C1QTNF7: variants seen among roughly 807,000 people sequenced by gnomAD.
The protein encoded by C1QTNF7 is C1q and TNF related 7.
Under a neutral mutation model 19.6 loss-of-function variants are expected in C1QTNF7, and 15 were observed. The observed-to-expected ratio is 0.76, with a 90% CI of 0.51 to 1.18. C1QTNF7 has a LOEUF of 1.18. Ranked by LOEUF, C1QTNF7 falls within the 50% of genes most tolerant of loss-of-function variation. The probability of loss-of-function intolerance (pLI) is 0.00; values close to 1 mark genes in which losing one functional copy is unlikely to be tolerated. For synonymous variants in C1QTNF7, 142 were observed against 137.5 expected, an observed-to-expected ratio of 1.03 and a Z score of -0.23; for missense variants, 324 against 359.7, an observed-to-expected ratio of 0.90 and a Z score of 0.80.
chr4:15,404,018 T>G (rs1719092003), intron 1 of C1QTNF7, among the ~76,000 whole-genome samples: 1 of 152,206 alleles, frequency 6.6e-6, no homozygotes, highest in South Asian at 2.1e-4. Flanking sequence ...GTACTAATAA[T>G]GTACTTATTG....
At chr4:15,424,054 A>G (rs1434152337), upstream of C1QTNF7, among the ~76,000 whole-genome samples, 3 of 152,176 alleles carry the variant, frequency 2.0e-5, no homozygotes, top group African/African-American at 7.2e-5. Flanking sequence ...GTTCTAGCCA[A>G]ATTCTGTTGG....
chr4:15,431,994 A>G (rs986318517), intron 1 of C1QTNF7, among the ~76,000 whole-genome samples: 2 of 152,196 alleles, frequency 1.3e-5, no homozygotes, highest in African/African-American at 4.8e-5. Context: ...ACAAGATGCC[A>G]TTTGAGCAAC....
chr4:15,440,537 A>G (rs983984670), intron 2 of C1QTNF7, among the ~76,000 whole-genome samples: 1 of 151,548 alleles, frequency 6.6e-6, no homozygotes, highest in African/African-American at 2.4e-5. Context: ...CCTTCCGAGT[A>G]GCTGGGACTA....
At chr4:15,353,783 T>A (rs56349605) in intron 1 of C1QTNF7, among the ~76,000 whole-genome samples, 4,147 of 150,210 alleles carry the variant, frequency 0.028, 90 homozygotes, top group Middle Eastern at 0.059. Context: ...AAAAAAAAAA[T>A]CTGGACAATA....
chr4:15,388,609 T>C (rs1718432144), intron 1 of C1QTNF7, among the ~76,000 whole-genome samples: 1 of 152,152 alleles, frequency 6.6e-6, no homozygotes, highest in South Asian at 2.1e-4. Flanking sequence ...GTGAAGGTGC[T>C]GTAGTTATTG....
intron 1 of C1QTNF7, among the ~76,000 whole-genome samples, chr4:15,366,393 C>G (rs1363124257): frequency 2.0e-5 from 3 of 152,160 alleles, no homozygotes. Flanking sequence ...AGTTAGTTTA[C>G]TGTTGCTGCA....
chr4:15,341,027 A>G (rs16891758), intron 1 of C1QTNF7, among the ~76,000 whole-genome samples: 21,954 of 152,218 alleles, frequency 0.14, 1,826 homozygotes, highest in East Asian at 0.39. Flanking sequence ...TGTCTCTGTT[A>G]TCAGTGTTCC....
rs1577261057 is a variant in C1QTNF7, at chr4:15,404,539, G to C, written c.14-31197G>C. 3.3e-5 allele frequency among the ~76,000 whole-genome samples: 5 copies of C among 152,324 alleles called. 1 individual carries two copies. The highest frequency in any genetic ancestry group is 3.3e-4 in the Admixed American group (5 of 15,292). Reference sequence around the variant, plus strand: ...AGTATTATAACTTATACTTCAGAGAGACTTCCAGAAAGATCCACCTCAGTA... The same window carrying C: ...AGTATTATAACTTATACTTCAGAGACACTTCCAGAAAGATCCACCTCAGTA... On this transcript the variant is annotated intron_variant, in intron 1 of 2. Coordinates refer to the C1QTNF7 transcript ENST00000295297.
Position 15,373,796 on chromosome 4 carries a change from C to T in C1QTNF7, c.13+33589C>T, listed in dbSNP as rs539759632. 3.9e-5 allele frequency: 6 copies of T among 152,300 alleles called. No homozygotes were observed. In the East Asian group the frequency reaches 1.2e-3, roughly 29 times the overall value. The allele number at this position is 152,300 out of a possible 1,614,324, so 9.4% of individuals were successfully genotyped here. A position where few individuals can be genotyped will look rare whatever the true frequency, so the allele number is the denominator to read the frequency against. ...ATCTCATTTCCTGGCCACTATACTC[C>T]TCCTTCTCCATCCAAAAGTCACTCA... On this transcript the variant is annotated intron_variant, in intron 1 of 2. Coordinates refer to the C1QTNF7 transcript ENST00000295297.
In C1QTNF7 at chr4:15,359,085, C is replaced by T. The variant is rs191711889; in HGVS notation, c.13+18878C>T. Among the ~76,000 whole-genome samples, 881 of 152,272 alleles carry T rather than the reference C, an allele frequency of 5.8e-3. 3 individuals are homozygous for T. The highest frequency in any genetic ancestry group is 8.3e-3 in the Non-Finnish European group (563 of 68,018). On this transcript the variant is annotated intron_variant, in intron 1 of 2. Coordinates refer to the C1QTNF7 transcript ENST00000295297. ...AGACAGCTCCCTTGTTCTTGCCCAG[C>T]AAACACTGCCACCCTCTATTCTCAA...
chr4:15,399,887 A>C (rs1718923050), intron 1 of C1QTNF7, among the ~76,000 whole-genome samples: 1 of 152,168 alleles, frequency 6.6e-6, no homozygotes. Flanking sequence ...CCATATATGA[A>C]ATCATCTGTT....
chr4:15,401,092 TAGA>T (rs762951394), intron 1 of C1QTNF7, among the ~76,000 whole-genome samples: 2 of 152,244 alleles, frequency 1.3e-5, no homozygotes, highest in Non-Finnish European at 2.9e-5. Flanking sequence ...ATACCACACA[TAGA>T]AGAAGTCAGA....
chr4:15,394,772 G>T (rs1300188931), intron 1 of C1QTNF7, among the ~76,000 whole-genome samples: 1 of 152,168 alleles, frequency 6.6e-6, no homozygotes. Flanking sequence ...ATGATGGTGG[G>T]TATCAGAAGG....
chr4:15,343,778 A>G (rs1476219912), intron 1 of C1QTNF7, among the ~76,000 whole-genome samples: 1 of 152,260 alleles, frequency 6.6e-6, no homozygotes, highest in East Asian at 1.9e-4. Flanking sequence ...ATTCTTGGAC[A>G]CTTACCAGAT....
At chr4:15,339,789 C>CT, upstream of C1QTNF7, 1 of 228,450 alleles carries the variant, frequency 4.4e-6, no homozygotes, top group South Asian at 6.5e-5. Flanking sequence ...GAGACTCCTG[C>CT]TTTTCATTTG....
chr4:15,423,826 C>T (rs1054072501), upstream of C1QTNF7, among the ~76,000 whole-genome samples: 1 of 152,186 alleles, frequency 6.6e-6, no homozygotes, highest in Non-Finnish European at 1.5e-5. Flanking sequence ...ACCGTTTCCC[C>T]CCCTTTTAGG....
chr4:15,399,226 C>T (rs1239642991), intron 1 of C1QTNF7, among the ~76,000 whole-genome samples: 6 of 152,248 alleles, frequency 3.9e-5, no homozygotes, highest in South Asian at 4.2e-4. Context: ...TCCCTGGTGC[C>T]GACTGCAACC....
At chr4:15,426,295 C>T (rs902979367), upstream of C1QTNF7, among the ~76,000 whole-genome samples, 1 of 152,190 alleles carries the variant, frequency 6.6e-6, no homozygotes, top group Non-Finnish European at 1.5e-5. Flanking sequence ...CTACCCATCA[C>T]TTCACCACTG....
At chr4:15,369,303 G>A (rs897820088) in intron 1 of C1QTNF7, among the ~76,000 whole-genome samples, 2 of 152,192 alleles carry the variant, frequency 1.3e-5, no homozygotes, top group Non-Finnish European at 2.9e-5. Context: ...AGGGAAACCA[G>A]CATCACTTTA....
Sources: allele counts gnomAD v4.1 joint callset (sites outside exome capture counted in the v4.1 genomes callset), GRCh38; gene constraint gnomAD v4.1.1; transcripts MANE v1.5; gene names NCBI Gene and HGNC (gene_info 2026-07-23, HGNC 2026-07-21).